ENOX1: variants seen among roughly 807,000 people sequenced by gnomAD.
The protein encoded by ENOX1 is ecto-NOX disulfide-thiol exchanger 1.
Under a neutral mutation model 82.5 loss-of-function variants are expected in ENOX1, and 42 were observed. The observed-to-expected ratio is 0.51, with a 90% CI of 0.40 to 0.66. The LOEUF (loss-of-function observed/expected upper bound fraction) is 0.66. Ranked by LOEUF, ENOX1 falls within the 30% of genes least tolerant of loss-of-function variation. ENOX1 has a pLI of 0.00. For synonymous variants in ENOX1, 271 were observed against 282.2 expected, an observed-to-expected ratio of 0.96 and a Z score of 0.40; for missense variants, 608 against 811.6, an observed-to-expected ratio of 0.75 and a Z score of 3.05.
intron 2 of ENOX1, among the ~76,000 whole-genome samples, chr13:43,646,643 T>C (rs903662): frequency 0.99 from 151,022 of 152,296 alleles, 74,893 homozygotes; most frequent in Middle Eastern, 1. Flanking sequence ...TGTCACAGGC[T>C]AACCTGTAAA....
Position 43,356,033 on chromosome 13 carries a change from G to A in ENOX1, c.709C>T (p.Arg237Trp), listed in dbSNP as rs369178540. The change falls in exon 8 of 17, where the codon CGG (arginine) becomes TGG (tryptophan). Residue 237 changes from arginine to tryptophan, a missense_variant. Coordinates refer to ENST00000690772, the MANE Select transcript of ENOX1 (RefSeq NM_001347969.2). Reference protein sequence around the residue: ...EWECKQRMRAREERHRRKLEE... With the variant: ...EWECKQRMRAWEERHRRKLEE... ...AGCTTGCGCCGGTGCCGCTCCTCCC[G>A]GGCACGCATCCTCTGCTTGCATTCC... The A allele has an allele frequency of 7.4e-6, 12 of 1,613,950 alleles. No individual in the cohort carries two copies. Among genetic ancestry groups the A allele is most frequent in the Admixed American group, 1.7e-5 (1 of 60,008 alleles).
intron 14 of ENOX1, among the ~76,000 whole-genome samples, chr13:43,240,212 A>G (rs1389826120): frequency 4.6e-5 from 7 of 152,230 alleles, no homozygotes; most frequent in African/African-American, 1.4e-4. Flanking sequence ...TTTCTGCTAC[A>G]TATATACATC....
At chr13:43,449,766 A>C (rs1288720296) in intron 3 of ENOX1, among the ~76,000 whole-genome samples, 2 of 152,022 alleles carry the variant, frequency 1.3e-5, no homozygotes, top group Non-Finnish European at 2.9e-5. Context: ...CAGTTAGCTC[A>C]CTTCCATATA....
chr13:43,611,948 A>T (rs1437599407), intron 2 of ENOX1, among the ~76,000 whole-genome samples: 1 of 152,208 alleles, frequency 6.6e-6, no homozygotes, highest in Non-Finnish European at 1.5e-5. Context: ...CTGATATCAC[A>T]TTCAGGGTTA....
At chr13:43,316,774 GAA>G (rs759779624) in intron 11 of ENOX1, among the ~76,000 whole-genome samples, 2,231 of 135,102 alleles carry the variant, frequency 0.017, 22 homozygotes, top group Non-Finnish European at 0.025. Flanking sequence ...AAGATTAAAA[GAA>G]AAAAAAAAAA....
At chr13:43,520,063 T>C (rs1349951085) in intron 2 of ENOX1, among the ~76,000 whole-genome samples, 4 of 152,194 alleles carry the variant, frequency 2.6e-5, no homozygotes, top group Non-Finnish European at 4.4e-5. Context: ...ATCTTAGTGT[T>C]CCCAGAACCT....
chr13:43,633,840 T>A (rs1437080067), intron 2 of ENOX1, among the ~76,000 whole-genome samples: 1 of 152,092 alleles, frequency 6.6e-6, no homozygotes, highest in Non-Finnish European at 1.5e-5. Context: ...CTTTTAAATC[T>A]AAGTATTTCT....
chr13:43,779,338 A>T (rs1226989411), intron 1 of ENOX1, among the ~76,000 whole-genome samples: 1 of 152,184 alleles, frequency 6.6e-6, no homozygotes, highest in Non-Finnish European at 1.5e-5. Context: ...CTTTTAAAGC[A>T]CAGGTTGTCT....
chr13:43,608,809 G>T (rs1027490036), intron 2 of ENOX1, among the ~76,000 whole-genome samples: 4 of 152,170 alleles, frequency 2.6e-5, no homozygotes, highest in Non-Finnish European at 5.9e-5. Context: ...CATCAGTGAG[G>T]TATACAGGTA....
At chr13:43,295,427 C>T (rs1425291017) in intron 12 of ENOX1, among the ~76,000 whole-genome samples, 4 of 152,180 alleles carry the variant, frequency 2.6e-5, no homozygotes, top group Admixed American at 6.5e-5. Context: ...TGTTAGGAAC[C>T]CTGCCCATAG....
chr13:43,529,235 G>C (rs1414913542), intron 2 of ENOX1, among the ~76,000 whole-genome samples: 3 of 151,964 alleles, frequency 2.0e-5, no homozygotes, highest in Non-Finnish European at 2.9e-5. Flanking sequence ...CTTTCGTCCA[G>C]AGGATCCTTG....
rs544895559 is a variant in ENOX1, at chr13:43,739,392, G to A, written c.-285+47260C>T. 3.3e-5 allele frequency among the ~76,000 whole-genome samples: 5 copies of A among 151,878 alleles called. No homozygotes were observed. In the South Asian group the frequency reaches 6.3e-4, roughly 19 times the overall value. Reference sequence around the variant, plus strand: ...GCAAAACCCCATCTCTACTAAAAACGCAAAGAACTAGCCGGGCATGGTGGC... The same window carrying A: ...GCAAAACCCCATCTCTACTAAAAACACAAAGAACTAGCCGGGCATGGTGGC... On this transcript the variant is annotated intron_variant, in intron 1 of 16. Transcript: ENST00000690772.
At chr13:43,743,959 A>T (rs1048055902) in intron 1 of ENOX1, among the ~76,000 whole-genome samples, 2 of 152,132 alleles carry the variant, frequency 1.3e-5, no homozygotes, top group African/African-American at 4.8e-5. Context: ...CAGTCTCACA[A>T]TAGCAAACTC....
At chr13:43,304,481 G>A (rs2046755952) in intron 11 of ENOX1, among the ~76,000 whole-genome samples, 1 of 152,130 alleles carries the variant, frequency 6.6e-6, no homozygotes, top group South Asian at 2.1e-4. Context: ...CCAGAGAAAG[G>A]AGTAAACCAG....
intron 3 of ENOX1, among the ~76,000 whole-genome samples, chr13:43,424,993 T>C (rs2153609684): frequency 6.6e-6 from 1 of 152,160 alleles, no homozygotes; most frequent in East Asian, 1.9e-4. Context: ...CTGCTGGTTA[T>C]ATCCAGCAAG....
intron 15 of ENOX1, among the ~76,000 whole-genome samples, chr13:43,229,425 C>T (rs560851290): frequency 1.3e-4 from 20 of 152,114 alleles, no homozygotes; most frequent in Non-Finnish European, 2.5e-4. Context: ...AGTGCAAAGG[C>T]CCTGAGGTGG....
At chr13:43,292,113 T>C (rs573963136) in intron 12 of ENOX1, among the ~76,000 whole-genome samples, 3 of 152,132 alleles carry the variant, frequency 2.0e-5, no homozygotes, top group African/African-American at 7.2e-5. Context: ...TGAAACACAA[T>C]AGCTAAACAA....
chr13:43,761,415 A>C (rs565793050), intron 1 of ENOX1, among the ~76,000 whole-genome samples: 1 of 152,342 alleles, frequency 6.6e-6, no homozygotes, highest in African/African-American at 2.4e-5. Context: ...ACTTCAGATA[A>C]ATGCAGTAAC....
At chr13:43,593,497 C>T (rs1566595058) in intron 2 of ENOX1, among the ~76,000 whole-genome samples, 1 of 110,472 alleles carries the variant, frequency 9.1e-6, no homozygotes, top group Admixed American at 9.1e-5. Flanking sequence ...AACAAAGAAG[C>T]CCTTCGAAGC....
Sources: gnomAD v4.1 joint callset for allele counts (sites outside exome capture counted in the v4.1 genomes callset) on GRCh38, gnomAD v4.1.1 for gene constraint, MANE v1.5 for transcripts, NCBI Gene and HGNC (gene_info 2026-07-23, HGNC 2026-07-21) for gene names.